ACOT1: variants seen among roughly 807,000 people sequenced by gnomAD.
ACOT1 encodes acyl-coenzyme A thioesterase 1.
A neutral mutation model predicts 15.7 loss-of-function variants in ACOT1; 8 were observed. The observed-to-expected ratio is 0.51, with a 90% CI of 0.30 to 0.92. The LOEUF is 0.92. Among genes scored for constraint, ACOT1 ranks in the 40% least tolerant of loss-of-function variants. ACOT1 has a pLI of 0.06. For synonymous variants in ACOT1, 67 were observed against 241.2 expected (o/e 0.28, Z 6.69); for missense variants, 151 against 539.4 (o/e 0.28, Z 7.13).
chr14:73,515,046 C>T, the ACOT1 span, among the ~76,000 whole-genome samples: 21 of 145,546 alleles, frequency 1.4e-4, no homozygotes, highest in Admixed American at 2.1e-4. Context: ...CCAGCCTGGA[C>T]GACAGAGTGA....
chr14:73,499,838 G>A, the ACOT1 span, among the ~76,000 whole-genome samples: 5 of 152,252 alleles, frequency 3.3e-5, no homozygotes, highest in African/African-American at 1.2e-4. Context: ...CTCTAGAATC[G>A]AAGTCTGGGC....
In ACOT1 at chr14:73,537,208, G is replaced by A; in HGVS notation, c.-214G>A. The A allele has an allele frequency of 9.3e-6, 4 of 432,042 alleles. 1 individual carries two copies. Among genetic ancestry groups the A allele is most frequent in the Non-Finnish European group, 1.5e-5 (4 of 268,556 alleles). The allele number at this position is 432,042 out of a possible 1,614,324, so 26.8% of individuals were successfully genotyped here. A position where few individuals can be genotyped will look rare whatever the true frequency, so the allele number is the denominator to read the frequency against. Reference sequence around the variant, plus strand: ...AGTTGCTTTCCAACATAAAGTGGAGGTTTCAACACAGGAGACTTTAAGCAA... The same window carrying A: ...AGTTGCTTTCCAACATAAAGTGGAGATTTCAACACAGGAGACTTTAAGCAA... On this transcript the variant is annotated 5_prime_UTR_variant, in exon 1 of 3. Transcript: ENST00000311148.
chr14:73,528,307 G>A, the ACOT1 span, among the ~76,000 whole-genome samples: 2 of 143,710 alleles, frequency 1.4e-5, no homozygotes, highest in East Asian at 4.5e-4. Flanking sequence ...AGGCAGAATC[G>A]CTTGAAGCTG....
chr14:73,537,369 A>C lies in ACOT1; in HGVS notation c.-53A>C. 8.3e-7 allele frequency: 1 copy of C among 1,211,596 alleles called. No individual in the cohort carries two copies. The highest frequency in any genetic ancestry group is 1.1e-6 in the Non-Finnish European group (1 of 912,454). 75.1% of individuals were successfully genotyped at this position (1,211,596 alleles called of 1,614,324 possible). ...GAGAGGAAGAGTTGGGCAGAGTTGC[A>C]GGGGTCTCCACAGCTGAGGCAGTTT... On this transcript the variant is annotated 5_prime_UTR_variant, in exon 1 of 3. Coordinates refer to ENST00000311148, the MANE Select transcript of ACOT1 (RefSeq NM_001037161.2).
chr14:73,519,138 A>G, the ACOT1 span: 1 of 1,613,106 alleles, frequency 6.2e-7, no homozygotes, highest in East Asian at 2.2e-5. Flanking sequence ...TCTTTGCACC[A>G]ATCTGGTGGA....
the ACOT1 span, among the ~76,000 whole-genome samples, chr14:73,507,297 T>C: frequency 6.6e-6 from 1 of 152,148 alleles, no homozygotes; most frequent in Non-Finnish European, 1.5e-5. Flanking sequence ...GCAACCTAAT[T>C]CTCACTTTTC....
chr14:73,506,960 C>T, the ACOT1 span, among the ~76,000 whole-genome samples: 1 of 151,832 alleles, frequency 6.6e-6, no homozygotes, highest in African/African-American at 2.4e-5. Context: ...GCCACCACGC[C>T]CGGTTAATTT....
chr14:73,525,171 A>G, the ACOT1 span, among the ~76,000 whole-genome samples: 2 of 152,168 alleles, frequency 1.3e-5, no homozygotes, highest in African/African-American at 4.8e-5. Flanking sequence ...CTGGGACTAC[A>G]GGTGCATGCG....
At chr14:73,513,286 G>A in the ACOT1 span, among the ~76,000 whole-genome samples, 53 of 149,092 alleles carry the variant, frequency 3.6e-4, no homozygotes, top group East Asian at 4.0e-4. Context: ...TGGTGAAACC[G>A]TGTCTCTACT....
chr14:73,527,975 A>G, the ACOT1 span, among the ~76,000 whole-genome samples: 1 of 151,538 alleles, frequency 6.6e-6, no homozygotes, highest in African/African-American at 2.4e-5. Context: ...AAAAAAAAAA[A>G]AAAAAAAAAA....
Position 73,542,994 on chromosome 14 carries a change from C to T in ACOT1, c.661-56C>T. ...AACTTCCAGGGTGGGCACAACTCAC[C>T]ATATTCCACTGTTTGTGGAGCCATT... On this transcript the variant is annotated intron_variant, in intron 2 of 2. Coordinates refer to ENST00000311148, the MANE Select transcript of ACOT1 (RefSeq NM_001037161.2). 6.5e-6 allele frequency: 8 copies of T among 1,238,970 alleles called. 2 individuals are homozygous for T. Among genetic ancestry groups the T allele is most frequent in the Non-Finnish European group, 8.6e-6 (8 of 932,578 alleles). 76.7% of individuals were successfully genotyped at this position (1,238,970 alleles called of 1,614,324 possible). A position where few individuals can be genotyped will look rare whatever the true frequency, so the allele number is the denominator to read the frequency against.
At chr14:73,531,483 T>C in the ACOT1 span, among the ~76,000 whole-genome samples, 3 of 104,092 alleles carry the variant, frequency 2.9e-5, 1 homozygote, top group African/African-American at 6.2e-5. Context: ...TGCAGTGGTG[T>C]GATCTTGGCT....
the ACOT1 span, among the ~76,000 whole-genome samples, chr14:73,526,648 A>C: frequency 6.6e-6 from 1 of 152,226 alleles, no homozygotes; most frequent in African/African-American, 2.4e-5. Flanking sequence ...TCCTGATTCC[A>C]GGCCTTTGCT....
At chr14:73,519,067 G>A in the ACOT1 span, 22 of 1,613,890 alleles carry the variant, frequency 1.4e-5, no homozygotes, top group African/African-American at 2.8e-4. Context: ...TGGAGTTTCA[G>A]GGAAGACCTT....
chr14:73,520,426 TACTG>T, the ACOT1 span: 3 of 157,656 alleles, frequency 1.9e-5, no homozygotes, highest in South Asian at 6.1e-4. Flanking sequence ...ACTAAAAAAA[TACTG>T]AGCCAGGATT....
At chr14:73,502,965 C>A in the ACOT1 span, 1 of 1,614,142 alleles carries the variant, frequency 6.2e-7, no homozygotes, top group African/African-American at 1.3e-5. Context: ...CTCCTCACTT[C>A]CTTATTCCAG....
the ACOT1 span, chr14:73,520,686 C>T: frequency 3.2e-6 from 2 of 627,382 alleles, no homozygotes; most frequent in South Asian, 2.1e-5. Flanking sequence ...TTATCACTCC[C>T]CGACCCAACT....
the ACOT1 span, chr14:73,522,192 G>C: frequency 7.1e-7 from 1 of 1,417,036 alleles, no homozygotes; most frequent in Non-Finnish European, 9.7e-7. Context: ...TTCTGAAATC[G>C]GGAGTGTGAG....
Position 73,537,437 on chromosome 14 carries a change from A to G in ACOT1, c.16A>G (p.Ile6Val), listed in dbSNP as rs750018888. The G allele has an allele frequency of 5.6e-5, 69 of 1,233,274 alleles. 19 individuals carry two copies. In the South Asian group the frequency reaches 9.3e-4, roughly 17 times the overall value. 76.4% of individuals were successfully genotyped at this position (1,233,274 alleles called of 1,614,324 possible). The change falls in exon 1 of 3, where the codon ATC (isoleucine) becomes GTC (valine). Residue 6 changes from isoleucine to valine, a missense_variant. Coordinates refer to ENST00000311148, the MANE Select transcript of ACOT1 (RefSeq NM_001037161.2). ...TCCTGCTCGGATGGCGGCGACGCTG[A>G]TCCTGGAGCCCGCGGGCCGCTGCTG... MAATL[I>V]LEPAGRCCWD...
Sources: gnomAD v4.1 joint callset for allele counts (sites outside exome capture counted in the v4.1 genomes callset) on GRCh38, gnomAD v4.1.1 for gene constraint, MANE v1.5 for transcripts, NCBI Gene and HGNC (gene_info 2026-07-23, HGNC 2026-07-21) for gene names.